Variants in MDFIC observed in about 807,000 individuals in gnomAD.
MDFIC encodes the protein myoD family inhibitor domain-containing protein.
Under a neutral mutation model 23.2 loss-of-function variants are expected in MDFIC, and 17 were observed. The observed-to-expected ratio is 0.73, with a 90% CI of 0.50 to 1.10. The LOEUF is 1.10. Among genes scored for constraint, MDFIC ranks in the 50% least tolerant of loss-of-function variants. MDFIC has a pLI of 0.00. For synonymous variants in MDFIC, 120 were observed against 115.2 expected, an observed-to-expected ratio of 1.04 and a Z score of -0.27; for missense variants, 356 against 316.6, an observed-to-expected ratio of 1.12 and a Z score of -0.95.
At chr7:114,923,213 G>A in intron 2 of MDFIC, 86 bp downstream of exon 2, 1 of 1,478,618 alleles carries the variant, frequency 6.8e-7, no homozygotes, top group Non-Finnish European at 9.1e-7. Flanking sequence ...GGGGTGGGGG[G>A]AGTGCTGTGA....
intron 4 of MDFIC, among the ~76,000 whole-genome samples, chr7:114,999,347 T>C (rs1038062324): frequency 1.3e-5 from 2 of 152,006 alleles, no homozygotes; most frequent in Non-Finnish European, 2.9e-5. Flanking sequence ...TCTTTTTTTC[T>C]AGATTGAATT....
chr7:114,924,469 C>T (rs1792152235), intron 2 of MDFIC, among the ~76,000 whole-genome samples: 1 of 152,200 alleles, frequency 6.6e-6, no homozygotes, highest in Non-Finnish European at 1.5e-5. Context: ...TAATAGTTTG[C>T]ATTTCTAAAA....
intron 3 of MDFIC, among the ~76,000 whole-genome samples, chr7:114,954,428 C>T (rs1437818474): frequency 6.6e-6 from 1 of 152,204 alleles, no homozygotes; most frequent in Non-Finnish European, 1.5e-5. Flanking sequence ...TGGTAACAGA[C>T]CACACATCGG....
intron 4 of MDFIC, among the ~76,000 whole-genome samples, chr7:115,006,030 T>C (rs998735015): frequency 2.6e-5 from 4 of 152,194 alleles, no homozygotes; most frequent in African/African-American, 9.6e-5. Flanking sequence ...TGTGCTTCTT[T>C]GGTTGGGGCC....
At chr7:115,010,327 AC>A (rs1324161063) in intron 4 of MDFIC, among the ~76,000 whole-genome samples, 1 of 152,148 alleles carries the variant, frequency 6.6e-6, no homozygotes, top group African/African-American at 2.4e-5. Flanking sequence ...TCACAGTCAA[AC>A]TATGACTTAG....
intron 4 of MDFIC, among the ~76,000 whole-genome samples, chr7:114,985,964 T>G (rs1793505072): frequency 6.6e-6 from 1 of 152,046 alleles, no homozygotes; most frequent in African/African-American, 2.4e-5. Context: ...TCAGGGTGCT[T>G]TCTCACCTGT....
At chr7:114,926,879 A>C (rs1307440374) in intron 2 of MDFIC, among the ~76,000 whole-genome samples, 2 of 152,168 alleles carry the variant, frequency 1.3e-5, no homozygotes, top group African/African-American at 4.8e-5. Flanking sequence ...ATATTATTTT[A>C]TCCTTTTGAT....
intron 3 of MDFIC, among the ~76,000 whole-genome samples, chr7:114,942,837 G>A (rs1792571912): frequency 6.6e-6 from 1 of 152,030 alleles, no homozygotes; most frequent in South Asian, 2.1e-4. Flanking sequence ...AAAATTTTTT[G>A]TGATATTCTT....
At position 115,016,013 on chromosome 7, in the gene MDFIC, G is replaced by T. The variant is rs911039082; in HGVS notation, c.*78G>T. 2.1e-6 allele frequency: 3 copies of T among 1,400,696 alleles called. No homozygotes were observed. Among genetic ancestry groups the T allele is most frequent in the African/African-American group, 1.4e-5 (1 of 69,682 alleles). The allele number at this position is 1,400,696 out of a possible 1,614,324, so 86.8% of individuals were successfully genotyped here. On this transcript the variant is annotated 3_prime_UTR_variant, in exon 5 of 5. Transcript: ENST00000393486. ...TGGGGGGAAGAAAAGCACATTGTAA[G>T]ATTCTCATGAAACAACATGGAATTT...
intron 2 of MDFIC, among the ~76,000 whole-genome samples, chr7:114,928,384 T>C (rs1458294423): frequency 2.0e-5 from 3 of 151,650 alleles, no homozygotes; most frequent in African/African-American, 7.3e-5. Flanking sequence ...AGTGCCATAG[T>C]AGAGGCACAA....
At chr7:114,993,773 GTGGTCAGTTT>G (rs1791244244) in intron 4 of MDFIC, among the ~76,000 whole-genome samples, 1 of 152,168 alleles carries the variant, frequency 6.6e-6, no homozygotes, top group East Asian at 1.9e-4. Context: ...TTCCAACTAT[GTGGTCAGTTT>G]TGGAATAAGT....
chr7:114,956,785 T>C (rs574138707), intron 3 of MDFIC, among the ~76,000 whole-genome samples: 2 of 152,168 alleles, frequency 1.3e-5, no homozygotes, highest in Non-Finnish European at 2.9e-5. Context: ...AGATTGAGTA[T>C]TAAGGTTTTT....
intron 4 of MDFIC, among the ~76,000 whole-genome samples, chr7:115,013,313 A>G (rs1200678791): frequency 6.7e-6 from 1 of 149,956 alleles, no homozygotes; most frequent in Non-Finnish European, 1.5e-5. Context: ...GGAGGCTTCA[A>G]AAATATTGTA....
Position 114,922,546 on chromosome 7 carries a change from G to T in MDFIC, c.-198G>T, listed in dbSNP as rs377761740. The T allele has an allele frequency of 1.9e-4, 239 of 1,266,490 alleles. 1 individual carries two copies. The African/African-American group carries it at 3.1e-3, about 17-fold the overall frequency. The allele number at this position is 1,266,490 out of a possible 1,614,324, so 78.5% of individuals were successfully genotyped here. On this transcript the variant is annotated 5_prime_UTR_variant, in exon 1 of 5. Transcript: ENST00000393486. ...CGTCAGGCCACCGGGGCGAAAATGC[G>T]GCCGCTGCCGGAGGCTCGCTAACTT...
At chr7:115,009,500 C>G (rs1255129839) in intron 4 of MDFIC, among the ~76,000 whole-genome samples, 1 of 152,158 alleles carries the variant, frequency 6.6e-6, no homozygotes, top group Non-Finnish European at 1.5e-5. Flanking sequence ...GTAATTTGGC[C>G]ACATACTGAT....
intron 3 of MDFIC, among the ~76,000 whole-genome samples, chr7:114,943,564 G>A (rs866958329): frequency 6.6e-6 from 1 of 152,282 alleles, no homozygotes; most frequent in Middle Eastern, 3.4e-3. Context: ...TCAGGAATTA[G>A]TGAGGAGGAA....
chr7:114,969,390 G>C (rs2115906029), intron 3 of MDFIC, among the ~76,000 whole-genome samples: 1 of 152,150 alleles, frequency 6.6e-6, no homozygotes, highest in South Asian at 2.1e-4. Context: ...GTGTCCACTG[G>C]GTGCTGAACA....
intron 4 of MDFIC, among the ~76,000 whole-genome samples, chr7:115,002,186 G>A (rs763697265): frequency 4.6e-5 from 7 of 152,066 alleles, no homozygotes; most frequent in African/African-American, 1.2e-4. Flanking sequence ...CTGGCTTCCC[G>A]TTATCCAGAA....
chr7:114,941,520 C>T (rs1291592721), intron 2 of MDFIC, among the ~76,000 whole-genome samples: 1 of 152,164 alleles, frequency 6.6e-6, no homozygotes, highest in African/African-American at 2.4e-5. Flanking sequence ...GAAGTCCATC[C>T]AACATGTATC....
Sources: allele counts gnomAD v4.1 joint callset (sites outside exome capture counted in the v4.1 genomes callset), GRCh38; gene constraint gnomAD v4.1.1; transcripts MANE v1.5; gene names NCBI Gene and HGNC (gene_info 2026-07-23, HGNC 2026-07-21).